ICA1: variants seen among roughly 807,000 people sequenced by gnomAD.
The protein encoded by ICA1 is 69 kDa islet cell autoantigen.
A neutral mutation model predicts 71.0 loss-of-function variants in ICA1; 40 were observed. That is an observed-to-expected ratio of 0.56 (90% CI 0.44 to 0.73). The LOEUF is 0.73. ICA1 is among the 30% of genes least tolerant of loss of function. The pLI is 0.00. For missense variants in ICA1, 578 were observed against 576.5 expected (o/e 1.00, Z -0.03); for synonymous variants, 207 against 209.5 (o/e 0.99, Z 0.10).
At chr7:8,260,386 G>A (rs949523755) in intron 1 of ICA1, among the ~76,000 whole-genome samples, 9 of 152,068 alleles carry the variant, frequency 5.9e-5, no homozygotes, top group African/African-American at 1.9e-4. Flanking sequence ...CCAAATGGGG[G>A]AAAATAGTTA....
At chr7:8,146,259 G>A (rs1287172709) in intron 8 of ICA1, among the ~76,000 whole-genome samples, 1 of 152,168 alleles carries the variant, frequency 6.6e-6, no homozygotes, top group Non-Finnish European at 1.5e-5. Flanking sequence ...TCTTTTGGAA[G>A]TGACATTTCA....
chr7:8,228,564 AC>A, intron 4 of ICA1, 36 bp downstream of exon 4: 1 of 1,256,896 alleles, frequency 8.0e-7, no homozygotes, highest in Non-Finnish European at 1.1e-6. Context: ...GCTATTTCTT[AC>A]TATTTGATCA....
At chr7:8,178,937 T>C (rs1041811141) in intron 6 of ICA1, among the ~76,000 whole-genome samples, 1 of 152,140 alleles carries the variant, frequency 6.6e-6, no homozygotes, top group African/African-American at 2.4e-5. Flanking sequence ...CATCTGCCCT[T>C]CTATATTTTT....
At chr7:8,197,478 G>A (rs541204902) in intron 6 of ICA1, among the ~76,000 whole-genome samples, 5 of 150,312 alleles carry the variant, frequency 3.3e-5, no homozygotes, top group South Asian at 2.1e-4. Flanking sequence ...ACTTGAACCC[G>A]GGAGGTGGAG....
chr7:8,183,131 G>A (rs1157584425), intron 6 of ICA1, among the ~76,000 whole-genome samples: 1 of 152,204 alleles, frequency 6.6e-6, no homozygotes, highest in Non-Finnish European at 1.5e-5. Flanking sequence ...ACAAGATTTA[G>A]TTTGCTTTTC....
chr7:8,179,616 T>G (rs1470397775), intron 6 of ICA1, among the ~76,000 whole-genome samples: 1 of 152,226 alleles, frequency 6.6e-6, no homozygotes, highest in Non-Finnish European at 1.5e-5. Context: ...AATTCTTCAG[T>G]GTTTTCTTTT....
chr7:8,157,495 C>G, intron 7 of ICA1: 1 of 400,910 alleles, frequency 2.5e-6, no homozygotes. Flanking sequence ...CCTCCAAAAC[C>G]CAGGGTAAAT....
At chr7:8,215,604 C>A (rs1218839322) in intron 6 of ICA1, among the ~76,000 whole-genome samples, 1 of 152,150 alleles carries the variant, frequency 6.6e-6, no homozygotes, top group Non-Finnish European at 1.5e-5. Context: ...CTGAACAGGG[C>A]CCAGCTTCAA....
intron 8 of ICA1, among the ~76,000 whole-genome samples, chr7:8,145,857 C>T (rs1796707293): frequency 6.6e-6 from 1 of 151,254 alleles, no homozygotes; most frequent in Non-Finnish European, 1.5e-5. Flanking sequence ...TATTAGACTA[C>T]AGAATATAAA....
At position 8,189,955 on chromosome 7, in the gene ICA1, G is replaced by A. The variant is rs562416273; in HGVS notation, c.579+28350C>T. On this transcript the variant is annotated intron_variant, in intron 6 of 13. Coordinates refer to ENST00000402384, the MANE Select transcript of ICA1 (RefSeq NM_001136020.3). ...CACTTGAAGGCCCACAGTAATGAGG[G>A]TTCTTTATTCGTAATGAAGTAAGCC... Among the ~76,000 whole-genome samples the A allele has an allele frequency of 2.6e-5, 4 of 152,336 alleles. No individual in the cohort carries two copies. The East Asian group carries it at 7.7e-4, about 29-fold the overall frequency.
intron 1 of ICA1, among the ~76,000 whole-genome samples, chr7:8,261,036 C>T (rs1812140359): frequency 6.6e-6 from 1 of 152,180 alleles, no homozygotes. Flanking sequence ...TTTCTTCCTA[C>T]ATTCAGTATC....
intron 6 of ICA1, among the ~76,000 whole-genome samples, chr7:8,163,859 C>T (rs76273508): frequency 0.034 from 5,208 of 152,144 alleles, 143 homozygotes; most frequent in South Asian, 0.12. Flanking sequence ...TGGAGCAGCA[C>T]CTTGTTGGCG....
At position 8,173,741 on chromosome 7, in the gene ICA1, T is replaced by C. The variant is rs771673664; in HGVS notation, c.580-15089A>G. On this transcript the variant is annotated intron_variant, in intron 6 of 13. Transcript: ENST00000402384. This position sits in a 1 kb window ranked among gnomAD's most constrained non-coding sequence, Gnocchi z 4.0. ...AAGATGTTTCATAAACCTCAGGCCA[T>C]TCCAGGTTTTAATTTTCCTGACACC... is the stretch of plus-strand genomic sequence containing the variant. Among the ~76,000 whole-genome samples, 3 of 152,132 alleles carry C rather than the reference T, an allele frequency of 2.0e-5. No homozygotes were observed. The highest frequency in any genetic ancestry group is 4.4e-5 in the Non-Finnish European group (3 of 68,026).
At chr7:8,188,453 A>G (rs1784555101) in intron 6 of ICA1, among the ~76,000 whole-genome samples, 2 of 152,212 alleles carry the variant, frequency 1.3e-5, no homozygotes, top group Admixed American at 6.5e-5. Flanking sequence ...ATAATGTCCG[A>G]TATCAAGGCA....
intron 3 of ICA1, among the ~76,000 whole-genome samples, chr7:8,231,215 G>C (rs1014177450): frequency 1.3e-5 from 2 of 152,104 alleles, no homozygotes; most frequent in African/African-American, 4.8e-5. Flanking sequence ...TCTGATGGGT[G>C]TGAACTTGGC....
chr7:8,199,234 C>G (rs751558438), intron 6 of ICA1, among the ~76,000 whole-genome samples: 8 of 152,206 alleles, frequency 5.3e-5, no homozygotes, highest in Middle Eastern at 3.4e-3. Context: ...GGTATATACC[C>G]AAAAGAAAGG....
intron 1 of ICA1, among the ~76,000 whole-genome samples, chr7:8,244,726 A>G (rs1393378736): frequency 6.6e-6 from 1 of 152,146 alleles, no homozygotes; most frequent in East Asian, 1.9e-4. Flanking sequence ...AAAGCAAACA[A>G]CCCCATCAAA....
At chr7:8,219,139 T>A (rs147518097) in intron 5 of ICA1, among the ~76,000 whole-genome samples, 66 of 152,282 alleles carry the variant, frequency 4.3e-4, no homozygotes, top group African/African-American at 1.5e-3. Flanking sequence ...ATGAAGTAGG[T>A]GTAAAATTAT....
intron 6 of ICA1, among the ~76,000 whole-genome samples, chr7:8,195,271 G>A (rs543853620): frequency 2.6e-5 from 4 of 152,350 alleles, no homozygotes; most frequent in East Asian, 1.9e-4. Context: ...GGTGGCCCAC[G>A]CCTGCAATCC....
Sources: gnomAD v4.1 joint callset for allele counts (sites outside exome capture counted in the v4.1 genomes callset) on GRCh38, gnomAD v4.1.1 for gene constraint, Gnocchi (gnomAD v3.1) non-coding constraint, MANE v1.5 for transcripts, NCBI Gene and HGNC (gene_info 2026-07-23, HGNC 2026-07-21) for gene names.